The following NLK variants were observed in gnomAD, a reference collection of about 807,000 sequenced individuals.
The protein encoded by NLK is nemo like kinase.
In NLK, 11 loss-of-function variants were observed where a neutral mutation model predicts 59.0. The observed-to-expected ratio is 0.19, with a 90% confidence interval of 0.12 to 0.31. The LOEUF is 0.31. NLK is among the 10% of genes least tolerant of loss of function. The pLI, the probability that NLK is intolerant of heterozygous loss-of-function variation, is 1.00. For synonymous variants in NLK, 235 were observed against 235.9 expected (o/e 1.00, Z 0.03); for missense variants, 410 against 661.1 (o/e 0.62, Z 4.16).
At chr17:28,090,777 A>G (rs1176888837) in intron 1 of NLK, among the ~76,000 whole-genome samples, 1 of 152,188 alleles carries the variant, frequency 6.6e-6, no homozygotes, top group Non-Finnish European at 1.5e-5. Flanking sequence ...AAGTACTTCA[A>G]AGATGTTACT....
intron 7 of NLK, among the ~76,000 whole-genome samples, chr17:28,174,503 G>A (rs950588791): frequency 2.6e-5 from 4 of 152,036 alleles, no homozygotes; most frequent in Non-Finnish European, 5.9e-5. Flanking sequence ...GGCCATTTCC[G>A]CTTAATGGCT....
intron 1 of NLK, among the ~76,000 whole-genome samples, chr17:28,104,456 A>C (rs1462909591): frequency 6.6e-6 from 1 of 151,946 alleles, no homozygotes; most frequent in Non-Finnish European, 1.5e-5. Context: ...AGGTTTCACC[A>C]TGTTGGTCAG....
intron 1 of NLK, among the ~76,000 whole-genome samples, chr17:28,052,949 AT>A (rs1017598410): frequency 2.3e-5 from 1 of 42,624 alleles, no homozygotes; most frequent in African/African-American, 1.0e-4. Flanking sequence ...TATTTTTTTT[AT>A]TTTTTTGTGG....
At chr17:28,142,724 GA>G (rs35296334) in intron 3 of NLK, among the ~76,000 whole-genome samples, 10 of 146,986 alleles carry the variant, frequency 6.8e-5, no homozygotes, top group Non-Finnish European at 1.1e-4. Context: ...GATTTTGGAA[GA>G]AAAAAAAAAC....
chr17:28,114,527 T>C (rs1249674702), intron 1 of NLK, among the ~76,000 whole-genome samples: 6 of 152,238 alleles, frequency 3.9e-5, no homozygotes, highest in African/African-American at 4.8e-5. Context: ...GCCCTCTTAA[T>C]GTAGATATGA....
At chr17:28,159,218 G>C (rs1310431582) in intron 3 of NLK, among the ~76,000 whole-genome samples, 1 of 152,168 alleles carries the variant, frequency 6.6e-6, no homozygotes, top group Non-Finnish European at 1.5e-5. Context: ...AAGGCCAAAT[G>C]ATTTATGGCC....
chr17:28,111,006 G>A (rs1034325089), intron 1 of NLK, among the ~76,000 whole-genome samples: 5 of 151,284 alleles, frequency 3.3e-5, no homozygotes, highest in East Asian at 2.0e-4. Flanking sequence ...CACTACGCCC[G>A]GCTAATTTTT....
chr17:28,157,753 A>C (rs1292717950), intron 3 of NLK, among the ~76,000 whole-genome samples: 1 of 152,224 alleles, frequency 6.6e-6, no homozygotes, highest in African/African-American at 2.4e-5. Context: ...ATGTAACCGT[A>C]GGTAGGTTGT....
In NLK at chr17:28,043,023, A is replaced by G; in HGVS notation, c.150A>G (p.Gln50=). The G allele has an allele frequency of 6.4e-7, 1 of 1,555,984 alleles. No individual in the cohort carries two copies. Among genetic ancestry groups the G allele is most frequent in the Middle Eastern group, 1.7e-4 (1 of 5,994 alleles). Residue 50 remains glutamine, a synonymous_variant, in exon 1 of 11, where the codon CAA becomes CAG. Transcript: ENST00000407008. The part of the protein sequence containing the change: ...PPHLHHHHHP[Q]HHLHPGSAAA... ...ACCTGCACCACCACCACCACCCTCA[A>G]CACCATCTTCATCCGGGGTCGGCTG...
At chr17:28,141,218 G>A (rs983696946) in intron 3 of NLK, among the ~76,000 whole-genome samples, 4 of 152,104 alleles carry the variant, frequency 2.6e-5, no homozygotes, top group African/African-American at 9.7e-5. Flanking sequence ...TTCAACTCCC[G>A]TAAAAAGTAC....
intron 3 of NLK, among the ~76,000 whole-genome samples, chr17:28,142,361 T>C (rs1157508277): frequency 6.6e-6 from 1 of 152,218 alleles, no homozygotes; most frequent in Non-Finnish European, 1.5e-5. Context: ...TCAAACGTTT[T>C]AACAACATGA....
chr17:28,059,900 G>A (rs984764511), intron 1 of NLK, among the ~76,000 whole-genome samples: 1 of 152,140 alleles, frequency 6.6e-6, no homozygotes, highest in African/African-American at 2.4e-5. Flanking sequence ...TAAAATAGGT[G>A]TTAGATAACC....
At chr17:28,190,932 T>C in intron 8 of NLK, 89 bp from the exon 9 acceptor site, 1 of 883,622 alleles carries the variant, frequency 1.1e-6, no homozygotes, top group Non-Finnish European at 1.8e-6. Context: ...ATATGCTATG[T>C]CAAGCAGTTA....
intron 2 of NLK, among the ~76,000 whole-genome samples, chr17:28,123,224 G>A (rs762182837): frequency 3.3e-5 from 5 of 152,072 alleles, no homozygotes; most frequent in Non-Finnish European, 5.9e-5. Context: ...TCTGAAATGT[G>A]GTGTGCACTC....
chr17:28,100,898 G>C (rs1904880255), intron 1 of NLK, among the ~76,000 whole-genome samples: 1 of 152,058 alleles, frequency 6.6e-6, no homozygotes, highest in South Asian at 2.1e-4. Flanking sequence ...GGTAAAAGAG[G>C]GTAGAAACGA....
At chr17:28,144,729 A>T (rs940236796) in intron 3 of NLK, among the ~76,000 whole-genome samples, 2 of 152,094 alleles carry the variant, frequency 1.3e-5, no homozygotes, top group African/African-American at 4.8e-5. Flanking sequence ...CACTGTGTTG[A>T]CTTTATTTTT....
At chr17:28,087,089 CAAAAT>C (rs1910544149) in intron 1 of NLK, among the ~76,000 whole-genome samples, 1 of 150,356 alleles carries the variant, frequency 6.7e-6, no homozygotes, top group African/African-American at 2.4e-5. Flanking sequence ...ATATGGCAAA[CAAAAT>C]AATTTTTATA....
intron 3 of NLK, among the ~76,000 whole-genome samples, chr17:28,146,239 A>G (rs1265243222): frequency 6.6e-6 from 1 of 152,144 alleles, no homozygotes; most frequent in Non-Finnish European, 1.5e-5. Flanking sequence ...CAGTTTCCTC[A>G]ATGATAATGG....
intron 1 of NLK, among the ~76,000 whole-genome samples, chr17:28,066,637 G>T (rs1165662265): frequency 1.3e-5 from 2 of 152,174 alleles, no homozygotes; most frequent in Non-Finnish European, 2.9e-5. Flanking sequence ...ATACCTAGGA[G>T]TGGAATGACT....
Sources: gnomAD v4.1 joint callset for allele counts (sites outside exome capture counted in the v4.1 genomes callset) on GRCh38, gnomAD v4.1.1 for gene constraint, MANE v1.5 for transcripts, NCBI Gene and HGNC (gene_info 2026-07-23, HGNC 2026-07-21) for gene names.